ADGRG6: variants seen among roughly 807,000 people sequenced by gnomAD.
ADGRG6 encodes adhesion G protein-coupled receptor G6, also known as G-protein coupled receptor 126.
In ADGRG6, 84 loss-of-function variants were observed where a neutral mutation model predicts 142.4. The observed-to-expected ratio is 0.59, with a 90% CI of 0.49 to 0.71. The LOEUF (loss-of-function observed/expected upper bound fraction) is 0.71. Ranked by LOEUF, ADGRG6 falls within the 30% of genes least tolerant of loss-of-function variation. ADGRG6 has a pLI of 0.00. For missense variants in ADGRG6, 1,367 were observed against 1,466.6 expected, an observed-to-expected ratio of 0.93 and a Z score of 1.11; for synonymous variants, 521 against 520.5, an observed-to-expected ratio of 1.00 and a Z score of -0.01.
intron 9 of ADGRG6, among the ~76,000 whole-genome samples, chr6:142,395,681 G>A (rs1430572057): frequency 6.6e-6 from 1 of 152,006 alleles, no homozygotes; most frequent in Non-Finnish European, 1.5e-5. Flanking sequence ...GGGGCTTTTT[G>A]GTATGAACTC....
intron 9 of ADGRG6, among the ~76,000 whole-genome samples, chr6:142,396,878 T>G (rs1775222270): frequency 6.6e-6 from 1 of 152,154 alleles, no homozygotes; most frequent in Non-Finnish European, 1.5e-5. Flanking sequence ...GAAAATTATA[T>G]TACTTTAAAT....
chr6:142,408,358 T>C (rs1775920920), intron 16 of ADGRG6, 89 bp downstream of exon 16: 1 of 988,714 alleles, frequency 1.0e-6, no homozygotes, highest in African/African-American at 1.6e-5. Context: ...AAAAAGTAAC[T>C]GACCCTTTTT....
At chr6:142,306,367 T>C (rs1282426077) in intron 1 of ADGRG6, among the ~76,000 whole-genome samples, 1 of 152,090 alleles carries the variant, frequency 6.6e-6, no homozygotes, top group Non-Finnish European at 1.5e-5. Context: ...CTAAAGCAAA[T>C]TGTATTTTGT....
rs144549679 is a variant in ADGRG6, at chr6:142,369,911, C to T, written c.446-259C>T. ...GATTAAAAAATACTTATCAACTTTG[C>T]TGGCTGTAACTCAAAAGTTTAGGTG... On this transcript the variant is annotated intron_variant, in intron 3 of 24. Transcript: ENST00000367609. Among the ~76,000 whole-genome samples the T allele has an allele frequency of 1.1e-3, 168 of 152,200 alleles. 1 individual carries two copies. Among genetic ancestry groups the T allele is most frequent in the African/African-American group, 3.9e-3 (160 of 41,524 alleles).
chr6:142,402,187 GT>G, intron 12 of ADGRG6, 129 bp downstream of exon 12: 1 of 547,372 alleles, frequency 1.8e-6, no homozygotes, highest in Non-Finnish European at 3.3e-6. Context: ...GCAAATGATT[GT>G]TTCACTTAAG....
At chr6:142,351,242 A>G (rs1780159545) in intron 2 of ADGRG6, among the ~76,000 whole-genome samples, 1 of 152,154 alleles carries the variant, frequency 6.6e-6, no homozygotes, top group Non-Finnish European at 1.5e-5. Context: ...AAAAAACAAA[A>G]CAAAACAAAA....
intron 1 of ADGRG6, among the ~76,000 whole-genome samples, chr6:142,309,248 A>AT (rs1295659683): frequency 6.6e-6 from 1 of 151,778 alleles, no homozygotes; most frequent in East Asian, 1.9e-4. Flanking sequence ...TTAATAAATA[A>AT]TTTTTTTGAA....
intron 2 of ADGRG6, among the ~76,000 whole-genome samples, chr6:142,337,957 A>G (rs1025696339): frequency 1.4e-4 from 21 of 147,262 alleles, no homozygotes; most frequent in African/African-American, 5.0e-4. Context: ...ATTTATATAT[A>G]CTTTTGTTGA....
rs1248403307 is a variant in ADGRG6 at position 142,411,353 on chromosome 6, C to T, written c.2483C>T (p.Ser828Leu). The part of the protein sequence containing the change: ...NTSGCVAHRD[S>L]DASETVCLCN... ...TCAGGATGTGTTGCACACAGAGATT[C>T]AGATGCAAGTGAGACAGTCTGCCTG... The change falls in exon 18 of 25, where the codon TCA becomes TTA. Residue 828 changes from serine (S) to leucine (L), a missense_variant. By Grantham distance (145) the Ser-to-Leu change is moderately radical (BLOSUM62 -2). This residue lies in a region of ADGRG6 where 286 missense variants were observed against 371.4 expected (regional missense o/e 0.77). Coordinates refer to ENST00000367609, the MANE Select transcript of ADGRG6 (RefSeq NM_198569.3). 8.7e-6 allele frequency: 14 copies of T among 1,609,476 alleles called. No homozygotes were observed. The highest frequency in any genetic ancestry group is 1.2e-5 in the Non-Finnish European group (14 of 1,176,098).
intron 22 of ADGRG6, among the ~76,000 whole-genome samples, chr6:142,436,453 T>C (rs949510906): frequency 2.0e-4 from 30 of 148,466 alleles, no homozygotes; most frequent in African/African-American, 7.1e-4. Context: ...AGAGTGGTCA[T>C]AGTAGGGTCA....
chr6:142,307,500 A>G (rs1268752348), intron 1 of ADGRG6, among the ~76,000 whole-genome samples: 4 of 152,018 alleles, frequency 2.6e-5, no homozygotes, highest in South Asian at 2.1e-4. Flanking sequence ...TGAACTTTCT[A>G]TGGGACGGAA....
intron 2 of ADGRG6, among the ~76,000 whole-genome samples, chr6:142,335,560 C>A (rs1007465274): frequency 7.2e-5 from 11 of 152,100 alleles, no homozygotes; most frequent in African/African-American, 2.2e-4. Context: ...AGGAGGTTGT[C>A]TTGTCCACTG....
chr6:142,367,545 G>T, intron 2 of ADGRG6, 24 bp from the exon 3 acceptor site: 1 of 1,593,882 alleles, frequency 6.3e-7, no homozygotes, highest in South Asian at 1.1e-5. Flanking sequence ...CCTTCTCTCT[G>T]TCTCTCTTTT....
chr6:142,306,813 A>C (rs971110560), intron 1 of ADGRG6, among the ~76,000 whole-genome samples: 13 of 152,160 alleles, frequency 8.5e-5, no homozygotes, highest in African/African-American at 2.9e-4. Context: ...CCCTGAGAAA[A>C]CACATAGTAC....
intron 22 of ADGRG6, among the ~76,000 whole-genome samples, chr6:142,428,758 C>T (rs1487751805): frequency 6.6e-6 from 1 of 152,142 alleles, no homozygotes; most frequent in Admixed American, 6.6e-5. Flanking sequence ...GATCCAGTCA[C>T]CTCCCATCAG....
chr6:142,331,652 A>C (rs1779069242), intron 2 of ADGRG6, among the ~76,000 whole-genome samples: 1 of 152,214 alleles, frequency 6.6e-6, no homozygotes, highest in Non-Finnish European at 1.5e-5. Context: ...TTTTAAAAGC[A>C]AAAATATTGA....
intron 18 of ADGRG6, among the ~76,000 whole-genome samples, chr6:142,412,290 C>T (rs577481139): frequency 6.6e-6 from 1 of 152,216 alleles, no homozygotes; most frequent in South Asian, 2.1e-4. Context: ...AGGGACCAAA[C>T]CACATTTGTT....
chr6:142,400,550 G>A lies in ADGRG6; in HGVS notation c.1633G>A (p.Val545Ile), dbSNP rs577606842. ...GCCATCTATCCAACCTTCTGAATAC[G>A]TTCTTCCTTGTCCAGACAAGCCTGG... Reference protein sequence around the residue: ...YWPSIQPSEYVLPCPDKPGFS... With the variant: ...YWPSIQPSEYILPCPDKPGFS... Residue 545 changes from valine (V) to isoleucine (I), a missense_variant, in exon 11 of 25, where the codon GTT becomes ATT. Around this residue, in one of 3 missense-constraint regions of ADGRG6, gnomAD observed 737 missense variants for 746.5 expected, o/e 0.99. Coordinates refer to ENST00000367609, the MANE Select transcript of ADGRG6 (RefSeq NM_198569.3). 92 of 1,607,368 alleles carry A rather than the reference G, an allele frequency of 5.7e-5. No homozygotes were observed. The highest frequency in any genetic ancestry group is 5.3e-4 in the South Asian group (48 of 90,816).
chr6:142,381,967 G>C lies in ADGRG6; in HGVS notation c.1086G>C (p.Pro362=). The C allele has an allele frequency of 6.2e-7, 1 of 1,601,072 alleles. No homozygotes were observed. The highest frequency in any genetic ancestry group is 8.5e-7 in the Non-Finnish European group (1 of 1,171,634). The change falls in exon 5 of 25, where the codon CCG becomes CCC. Residue 362 remains proline (P), a synonymous_variant. Coordinates refer to ENST00000367609, the MANE Select transcript of ADGRG6 (RefSeq NM_198569.3). ...TTGATCAAGGTTCCTACCTGATCCC[G>C]CTCCCAGCAGCAGAACTGGCCAGCT... ...SNLSCGSYLI[P]LPAAELASCA...
Sources: allele counts gnomAD v4.1 joint callset (sites outside exome capture counted in the v4.1 genomes callset), GRCh38; gene constraint gnomAD v4.1.1; regional missense constraint gnomAD v4.1.1; transcripts MANE v1.5; gene names NCBI Gene and HGNC (gene_info 2026-07-23, HGNC 2026-07-21).